RELN: variants seen among roughly 807,000 people sequenced by gnomAD.
The protein encoded by RELN is reelin.
RELN carries 108 observed loss-of-function variants against 427.6 expected under a neutral mutation model. The ratio of observed to expected loss-of-function variants is 0.25; its 90% confidence interval spans 0.22 to 0.30. The LOEUF (loss-of-function observed/expected upper bound fraction) is 0.30, where lower values mean the gene tolerates loss of function less well. Ranked by LOEUF, RELN falls within the 10% of genes least tolerant of loss-of-function variation. RELN has a pLI of 1.00. For synonymous variants in RELN, 1,524 were observed against 1,513.4 expected (o/e 1.01, Z -0.16); for missense variants, 3,715 against 4,302.8 (o/e 0.86, Z 3.82).
chr7:103,619,876 T>TTGTGTGTGTGTG lies in RELN; in HGVS notation c.2703-8085_2703-8074dup, dbSNP rs372160818. ...AGTAAGAGTGTGTGTATATGTGTGTTTGTGTGTGTGTGTGTGTGTTTGTAG... is the reference window on the plus strand; with the variant it reads ...AGTAAGAGTGTGTGTATATGTGTGTTTGTGTGTGTGTGTGTGTGTGTGTGTGTGTGTTTGTAG... On this transcript the variant is annotated intron_variant, in intron 20 of 64. Transcript: ENST00000428762. Among the ~76,000 whole-genome samples the TTGTGTGTGTGTG allele has an allele frequency of 3.1e-4, 47 of 150,772 alleles. 1 individual carries two copies. The highest frequency in any genetic ancestry group is 1.1e-3 in the African/African-American group (46 of 41,178).
intron 51 of RELN, among the ~76,000 whole-genome samples, chr7:103,510,022 C>A (rs567373515): frequency 6.6e-6 from 1 of 152,138 alleles, no homozygotes; most frequent in Non-Finnish European, 1.5e-5. Context: ...GAAATAGGAA[C>A]GCTTTTACAC....
chr7:103,673,793 T>C (rs1833447796), intron 11 of RELN, among the ~76,000 whole-genome samples: 1 of 152,196 alleles, frequency 6.6e-6, no homozygotes, highest in South Asian at 2.1e-4. Flanking sequence ...CAATAAATCT[T>C]ACCTAGAGGG....
intron 20 of RELN, among the ~76,000 whole-genome samples, chr7:103,629,594 T>A (rs1562930239): frequency 6.6e-6 from 1 of 152,106 alleles, no homozygotes; most frequent in South Asian, 2.1e-4. Flanking sequence ...AGGGCGAATA[T>A]GGTCATCACT....
intron 18 of RELN, 37 bp from the exon 19 acceptor site, chr7:103,635,623 A>T: frequency 7.1e-6 from 11 of 1,555,338 alleles, no homozygotes; most frequent in Non-Finnish European, 9.8e-6. Flanking sequence ...GTATGCATAA[A>T]CATTTTTAAT....
In RELN at chr7:103,824,627, AGTGTGTGTGT is replaced by A. The variant is rs368098458; in HGVS notation, c.473+8900_473+8909del. Among the ~76,000 whole-genome samples the A allele has an allele frequency of 4.0e-3, 525 of 130,952 alleles. 7 individuals carry two copies. Among genetic ancestry groups the A allele is most frequent in the African/African-American group, 0.012 (402 of 34,066 alleles). 85.9% of individuals were successfully genotyped at this position (130,952 alleles called of 152,430 possible). On this transcript the variant is annotated intron_variant, in intron 3 of 64. Coordinates refer to ENST00000428762, the MANE Select transcript of RELN (RefSeq NM_005045.4). This position sits in a 1 kb window ranked among gnomAD's most constrained non-coding sequence, Gnocchi z 4.4. Reference sequence around the variant, plus strand: ...GTGTTTTCACTTTCTTTCAAAACAGAGTGTGTGTGTGTGTGTGTGTGTGTGTGTGTGTGTG... The same window carrying A: ...GTGTTTTCACTTTCTTTCAAAACAGAGTGTGTGTGTGTGTGTGTGTGTGTG...
intron 1 of RELN, among the ~76,000 whole-genome samples, chr7:103,923,680 T>C (rs1795664370): frequency 6.6e-6 from 1 of 152,120 alleles, no homozygotes; most frequent in South Asian, 2.1e-4. Flanking sequence ...CAACAAATGA[T>C]AAGGGGCACG....
chr7:103,922,766 C>T (rs1795644336), intron 1 of RELN, among the ~76,000 whole-genome samples: 1 of 152,112 alleles, frequency 6.6e-6, no homozygotes, highest in Non-Finnish European at 1.5e-5. Context: ...TAAATTTAGA[C>T]ATTTAATGAT....
chr7:103,485,148 T>C (rs940911022), intron 61 of RELN, among the ~76,000 whole-genome samples: 2 of 148,646 alleles, frequency 1.3e-5, no homozygotes, highest in African/African-American at 5.0e-5. Flanking sequence ...TTGCTAACTA[T>C]GCACCTAGTT....
intron 3 of RELN, among the ~76,000 whole-genome samples, chr7:103,791,780 TTTA>T (rs909599356): frequency 4.1e-4 from 32 of 78,020 alleles, no homozygotes; most frequent in African/African-American, 1.5e-3. Context: ...TTAAAAAGTT[TTTA>T]AAAAAAAAGA....
chr7:103,514,378 G>A (rs1410044726), intron 50 of RELN, among the ~76,000 whole-genome samples: 2 of 152,162 alleles, frequency 1.3e-5, no homozygotes, highest in African/African-American at 4.8e-5. Flanking sequence ...GAGGAGGATA[G>A]GCCGGGCATG....
intron 2 of RELN, among the ~76,000 whole-genome samples, chr7:103,913,140 T>C (rs1345618483): frequency 6.6e-6 from 1 of 152,188 alleles, no homozygotes; most frequent in Non-Finnish European, 1.5e-5. Context: ...ATTCTGGCTT[T>C]GCATAAAAAG....
chr7:103,930,296 T>A (rs1584377132), intron 1 of RELN, among the ~76,000 whole-genome samples: 1 of 152,158 alleles, frequency 6.6e-6, no homozygotes, highest in Non-Finnish European at 1.5e-5. Context: ...ATCAGTGATA[T>A]TGGATTAGGG....
intron 2 of RELN, among the ~76,000 whole-genome samples, chr7:103,869,067 A>G (rs1794267317): frequency 6.6e-6 from 1 of 152,022 alleles, no homozygotes; most frequent in African/African-American, 2.4e-5. Context: ...TTTAAGTTCA[A>G]TGCTTTTTAT....
rs149058618 is a variant in RELN at position 103,780,117 on chromosome 7, G to C, written c.474-3490C>G. Among the ~76,000 whole-genome samples the C allele has an allele frequency of 1.2e-3, 177 of 152,218 alleles. 2 individuals carry two copies. The highest frequency in any genetic ancestry group is 4.1e-3 in the African/African-American group (169 of 41,536). On this transcript the variant is annotated intron_variant, in intron 3 of 64. Transcript: ENST00000428762. ...AGCCATTTTAGTTAACCTCCTTTTG[G>C]ACAAACTTCTCATCATTTCCGTTGG...
Position 103,542,842 on chromosome 7 carries a change from C to G in RELN, c.6560G>C (p.Gly2187Ala). ...TCCACACTTTCGAGATGGTTTCCCACCACTCATTAATAAGAATCTATCAGA... is the reference window on the plus strand; with the variant it reads ...TCCACACTTTCGAGATGGTTTCCCAGCACTCATTAATAAGAATCTATCAGA... ...LESDRFLLMS[G>A]GKPSRKCGIL... The change falls in exon 43 of 65, where the codon GGT (glycine) becomes GCT (alanine). Residue 2187 changes from glycine (G) to alanine (A), a missense_variant. By Grantham distance (60) the Gly-to-Ala change is moderately conservative. This residue lies in a region of RELN where 1,310 missense variants were observed against 1,643.0 expected (regional missense o/e 0.80). Coordinates refer to ENST00000428762, the MANE Select transcript of RELN (RefSeq NM_005045.4). The G allele has an allele frequency of 6.2e-7, 1 of 1,614,052 alleles. No individual in the cohort carries two copies. The highest frequency in any genetic ancestry group is 1.1e-5 in the South Asian group (1 of 91,080).
At chr7:103,474,216 G>T (rs1827952463) in intron 64 of RELN, among the ~76,000 whole-genome samples, 1 of 151,884 alleles carries the variant, frequency 6.6e-6, no homozygotes, top group African/African-American at 2.4e-5. Context: ...CAAAGGAAAA[G>T]ACATAAATTG....
chr7:103,759,774 A>G (rs1320864380), intron 4 of RELN, among the ~76,000 whole-genome samples: 1 of 152,034 alleles, frequency 6.6e-6, no homozygotes, highest in Non-Finnish European at 1.5e-5. Context: ...AATTTACTAA[A>G]TATACTTTTG....
Position 103,545,281 on chromosome 7 carries a change from G to A in RELN, c.6366C>T (p.Ala2122=), listed in dbSNP as rs2117139992. The change falls in exon 42 of 65, where the codon GCC becomes GCT. Residue 2122 remains alanine (A), a synonymous_variant. Transcript: ENST00000428762. The stretch of plus-strand genomic sequence containing the variant: ...GGGGACCGATGTAGACATTATCAAT[G>A]GCCCATGTCACTGGCTGAGAGCCGG... ...YPAGSQPVTW[A]IDNVYIGPQC... is the part of the protein sequence containing the mutation. 6.2e-7 allele frequency: 1 copy of A among 1,614,002 alleles called. No individual in the cohort carries two copies.
intron 4 of RELN, among the ~76,000 whole-genome samples, chr7:103,755,851 A>G (rs573882051): frequency 1.3e-5 from 2 of 148,422 alleles, no homozygotes; most frequent in African/African-American, 4.9e-5. Context: ...ATAGTTTACC[A>G]TGCCTAACGT....
Sources: gnomAD v4.1 joint callset for allele counts (sites outside exome capture counted in the v4.1 genomes callset) on GRCh38, gnomAD v4.1.1 for gene constraint, gnomAD v4.1.1 regional missense constraint, Gnocchi (gnomAD v3.1) non-coding constraint, MANE v1.5 for transcripts, NCBI Gene and HGNC (gene_info 2026-07-23, HGNC 2026-07-21) for gene names.